Variants in RGS7 observed in about 807,000 individuals in gnomAD.
RGS7 encodes the protein regulator of G-protein signaling 7.
RGS7 carries 27 observed loss-of-function variants against 81.1 expected under a neutral mutation model. That is an observed-to-expected ratio of 0.33 (90% CI 0.25 to 0.46). RGS7 has a LOEUF of 0.46. Among genes scored for constraint, RGS7 ranks in the 20% least tolerant of loss-of-function variants. The pLI, the probability that RGS7 is intolerant of heterozygous loss-of-function variation, is 1.00. For synonymous variants in RGS7, 208 were observed against 207.7 expected, an observed-to-expected ratio of 1.00 and a Z score of -0.01; for missense variants, 396 against 607.4, an observed-to-expected ratio of 0.65 and a Z score of 3.66.
chr1:241,151,222 A>G (rs1253040415), intron 2 of RGS7, among the ~76,000 whole-genome samples: 1 of 152,220 alleles, frequency 6.6e-6, no homozygotes, highest in African/African-American at 2.4e-5. Flanking sequence ...ACCTAAAATT[A>G]GCTATCACGC....
chr1:240,897,912 C>T (rs752109032), intron 6 of RGS7, among the ~76,000 whole-genome samples: 3 of 152,030 alleles, frequency 2.0e-5, no homozygotes, highest in East Asian at 3.9e-4. Context: ...CGTCTGGTAC[C>T]GGACGTTTTT....
chr1:241,083,186 A>G (rs2063236916), intron 3 of RGS7, among the ~76,000 whole-genome samples: 1 of 150,190 alleles, frequency 6.7e-6, no homozygotes, highest in Non-Finnish European at 1.5e-5. Context: ...AGATCATGAC[A>G]CTGCACTCCA....
chr1:241,058,296 C>T (rs2061574974), intron 3 of RGS7, among the ~76,000 whole-genome samples: 1 of 152,178 alleles, frequency 6.6e-6, no homozygotes, highest in South Asian at 2.1e-4. Flanking sequence ...CCATGCTCAC[C>T]TCCCAAGTGC....
intron 2 of RGS7, among the ~76,000 whole-genome samples, chr1:241,245,831 G>A (rs1354181147): frequency 3.4e-5 from 5 of 145,124 alleles, no homozygotes; most frequent in South Asian, 2.2e-4. Flanking sequence ...CAGGCAGGAC[G>A]CGGTGGCTCA....
At chr1:240,908,369 A>G (rs1246827782) in intron 6 of RGS7, among the ~76,000 whole-genome samples, 2 of 152,204 alleles carry the variant, frequency 1.3e-5, no homozygotes. Flanking sequence ...TAAATTAAAA[A>G]AAGAAAAATT....
intron 6 of RGS7, among the ~76,000 whole-genome samples, chr1:240,892,542 G>A (rs1194080517): frequency 2.6e-5 from 4 of 152,118 alleles, no homozygotes; most frequent in African/African-American, 9.7e-5. Flanking sequence ...GTTAAGTTGA[G>A]CCTAAAGCTG....
intron 6 of RGS7, among the ~76,000 whole-genome samples, chr1:240,914,042 C>T (rs553649648): frequency 2.7e-5 from 4 of 150,222 alleles, no homozygotes; most frequent in Non-Finnish European, 5.9e-5. Context: ...AGGTATATCT[C>T]CCAATGCTAT....
chr1:241,075,890 C>T (rs2062769697), intron 3 of RGS7, among the ~76,000 whole-genome samples: 1 of 152,316 alleles, frequency 6.6e-6, no homozygotes, highest in South Asian at 2.1e-4. Context: ...TGCTTTACAT[C>T]AAGTTTACAC....
chr1:241,316,423 C>A (rs965198996), intron 2 of RGS7, among the ~76,000 whole-genome samples: 4 of 152,188 alleles, frequency 2.6e-5, no homozygotes, highest in Admixed American at 1.3e-4. Flanking sequence ...AGTGACCAGT[C>A]CCCACATCCT....
At position 241,230,283 on chromosome 1, in the gene RGS7, G is replaced by A. The variant is rs113601008; in HGVS notation, c.78+125416C>T. 2.0e-3 allele frequency among the ~76,000 whole-genome samples: 306 copies of A among 151,724 alleles called. 2 individuals carry two copies. Among genetic ancestry groups the A allele is most frequent in the African/African-American group, 6.8e-3 (281 of 41,346 alleles). ...GGCTGAAGTGCAGTGGTGTGATCTC[G>A]GCTCACTGAAAACTCCGCCTCCCAG... On this transcript the variant is annotated intron_variant, in intron 2 of 18. Coordinates refer to ENST00000440928, the MANE Select transcript of RGS7 (RefSeq NM_001364886.1).
chr1:241,276,866 C>T (rs1056392110), intron 2 of RGS7, among the ~76,000 whole-genome samples: 1 of 151,884 alleles, frequency 6.6e-6, no homozygotes, highest in African/African-American at 2.4e-5. Flanking sequence ...TATTTCTTTT[C>T]GTTCTTTTTA....
chr1:241,166,174 G>A (rs963278640), intron 2 of RGS7, among the ~76,000 whole-genome samples: 1 of 152,196 alleles, frequency 6.6e-6, no homozygotes, highest in Non-Finnish European at 1.5e-5. Context: ...CTTAATAGAT[G>A]ACAGTTGAAC....
chr1:240,910,838 C>T (rs181591718), intron 6 of RGS7, among the ~76,000 whole-genome samples: 1 of 152,028 alleles, frequency 6.6e-6, no homozygotes, highest in Non-Finnish European at 1.5e-5. Context: ...CATGCCTCAG[C>T]CTCCCAAGTT....
chr1:241,073,188 C>A (rs1219883911), intron 3 of RGS7, among the ~76,000 whole-genome samples: 1 of 152,210 alleles, frequency 6.6e-6, no homozygotes, highest in Non-Finnish European at 1.5e-5. Context: ...AAAAACCCCA[C>A]ATCTTTCATT....
intron 2 of RGS7, among the ~76,000 whole-genome samples, chr1:241,109,697 C>T (rs962269326): frequency 2.6e-5 from 4 of 152,080 alleles, no homozygotes; most frequent in African/African-American, 9.7e-5. Flanking sequence ...GTGGCTCACA[C>T]CTGTAATTCC....
chr1:241,215,698 GA>G (rs922112672), intron 2 of RGS7, among the ~76,000 whole-genome samples: 1 of 152,000 alleles, frequency 6.6e-6, no homozygotes, highest in African/African-American at 2.4e-5. Context: ...CCTCGTAGGG[GA>G]AAAAAACAGT....
At chr1:241,120,748 G>A (rs949466748) in intron 2 of RGS7, among the ~76,000 whole-genome samples, 1 of 152,000 alleles carries the variant, frequency 6.6e-6, no homozygotes, top group Admixed American at 6.6e-5. Context: ...AAAAGCCACG[G>A]CCTCTAGATA....
intron 2 of RGS7, among the ~76,000 whole-genome samples, chr1:241,311,439 T>C (rs1421262142): frequency 6.6e-6 from 1 of 152,174 alleles, no homozygotes; most frequent in Non-Finnish European, 1.5e-5. Context: ...ATTGTTTCTA[T>C]CCTGACAAAG....
chr1:241,152,537 A>G (rs139490795), intron 2 of RGS7, among the ~76,000 whole-genome samples: 1,720 of 152,302 alleles, frequency 0.011, 39 homozygotes, highest in East Asian at 0.058. Context: ...AATATTGTGC[A>G]GGCGTAGGTC....
Sources: gnomAD v4.1 joint callset for allele counts (sites outside exome capture counted in the v4.1 genomes callset) on GRCh38, gnomAD v4.1.1 for gene constraint, MANE v1.5 for transcripts, NCBI Gene and HGNC (gene_info 2026-07-23, HGNC 2026-07-21) for gene names.